The following FAM117B variants were observed in gnomAD, a reference collection of about 807,000 sequenced individuals.
The protein encoded by FAM117B is family with sequence similarity 117 member B, also known as protein FAM117B.
FAM117B carries 22 observed loss-of-function variants against 52.8 expected under a neutral mutation model. The ratio of observed to expected loss-of-function variants is 0.42; its 90% CI spans 0.30 to 0.59. The LOEUF (loss-of-function observed/expected upper bound fraction) is 0.59. Ranked by LOEUF, FAM117B falls within the 20% of genes least tolerant of loss-of-function variation. FAM117B has a pLI of 0.22. For missense variants in FAM117B, 678 were observed against 802.6 expected, an observed-to-expected ratio of 0.84 and a Z score of 1.88; for synonymous variants, 309 against 324.1, an observed-to-expected ratio of 0.95 and a Z score of 0.50.
chr2:202,678,154 G>A (rs567577616), intron 1 of FAM117B, among the ~76,000 whole-genome samples: 5 of 152,152 alleles, frequency 3.3e-5, no homozygotes, highest in South Asian at 2.1e-4. Flanking sequence ...CCTTAGTCTC[G>A]CACTGAATTG....
intron 1 of FAM117B, among the ~76,000 whole-genome samples, chr2:202,674,082 T>G (rs1690341933): frequency 6.6e-6 from 1 of 152,192 alleles, no homozygotes; most frequent in Non-Finnish European, 1.5e-5. Context: ...TACTTACTTC[T>G]TCTGTTTCAT....
At chr2:202,711,728 G>T (rs778274399) in intron 2 of FAM117B, among the ~76,000 whole-genome samples, 2 of 152,104 alleles carry the variant, frequency 1.3e-5, no homozygotes, top group South Asian at 2.1e-4. Context: ...TGTATAAGGT[G>T]AGAGATAGGG....
intron 4 of FAM117B, among the ~76,000 whole-genome samples, chr2:202,743,543 C>G (rs899627051): frequency 6.6e-6 from 1 of 151,950 alleles, no homozygotes; most frequent in African/African-American, 2.4e-5. Flanking sequence ...TAACAGATCC[C>G]AAAGAAAAGG....
At chr2:202,670,903 C>T (rs1364914584) in intron 1 of FAM117B, among the ~76,000 whole-genome samples, 1 of 152,180 alleles carries the variant, frequency 6.6e-6, no homozygotes, top group African/African-American at 2.4e-5. Context: ...ATAGTGCTAC[C>T]ATGGTGTTTG....
chr2:202,666,136 A>T (rs1242661323), intron 1 of FAM117B, among the ~76,000 whole-genome samples: 1 of 152,202 alleles, frequency 6.6e-6, no homozygotes, highest in Non-Finnish European at 1.5e-5. Flanking sequence ...TGGGAATGGT[A>T]TTGTTACAAA....
chr2:202,756,210 A>G (rs1270813428), intron 5 of FAM117B, among the ~76,000 whole-genome samples: 1 of 152,314 alleles, frequency 6.6e-6, no homozygotes. Context: ...TGAGGTCAGG[A>G]GTTCAAGACC....
intron 1 of FAM117B, among the ~76,000 whole-genome samples, chr2:202,643,520 A>G (rs751957366): frequency 1.4e-4 from 21 of 152,144 alleles, no homozygotes; most frequent in Non-Finnish European, 2.6e-4. Flanking sequence ...TCTTTATACT[A>G]TATTTTTAAA....
intron 1 of FAM117B, among the ~76,000 whole-genome samples, chr2:202,670,660 G>A (rs1285039803): frequency 3.3e-5 from 5 of 152,100 alleles, no homozygotes; most frequent in African/African-American, 9.7e-5. Flanking sequence ...TCATATTTCC[G>A]TCTGCAAGAC....
At chr2:202,684,989 A>G (rs1355182495) in intron 1 of FAM117B, among the ~76,000 whole-genome samples, 1 of 151,412 alleles carries the variant, frequency 6.6e-6, no homozygotes, top group African/African-American at 2.4e-5. Flanking sequence ...TCTCAAAAAA[A>G]ATTTTTTTTT....
chr2:202,761,481 T>A (rs980228605), intron 7 of FAM117B, among the ~76,000 whole-genome samples: 29 of 152,146 alleles, frequency 1.9e-4, no homozygotes, highest in African/African-American at 7.0e-4. Context: ...AAACATAAGA[T>A]AAACCCTAAC....
At chr2:202,723,777 G>A (rs971290391) in intron 2 of FAM117B, among the ~76,000 whole-genome samples, 1 of 152,074 alleles carries the variant, frequency 6.6e-6, no homozygotes, top group African/African-American at 2.4e-5. Context: ...ATCTGTGCAG[G>A]ATAAATTGTT....
intron 1 of FAM117B, among the ~76,000 whole-genome samples, chr2:202,663,471 T>TATA (rs1690160555): frequency 1.3e-5 from 2 of 152,214 alleles, no homozygotes; most frequent in Admixed American, 6.5e-5. Context: ...GAACATTACT[T>TATA]AATATGTTAT....
chr2:202,665,176 T>C (rs1168878106), intron 1 of FAM117B, among the ~76,000 whole-genome samples: 2 of 152,064 alleles, frequency 1.3e-5, no homozygotes, highest in East Asian at 3.9e-4. Context: ...CCCTCTCAAT[T>C]TTCTTTTTTC....
In FAM117B at chr2:202,712,683, G is replaced by A. The variant is rs1423870550; in HGVS notation, c.754-12234G>A. On this transcript the variant is annotated intron_variant, in intron 2 of 7. Coordinates refer to ENST00000392238, the MANE Select transcript of FAM117B (RefSeq NM_173511.4). ...CTATTCAATATGACACTAGCTATGG[G>A]TCTGCCATAAATGACTTGTATTATG... Among the ~76,000 whole-genome samples the A allele has an allele frequency of 2.4e-4, 37 of 151,988 alleles. 1 individual carries two copies. Among genetic ancestry groups the A allele is most frequent in the Admixed American group, 2.4e-3 (36 of 15,260 alleles).
At chr2:202,656,801 T>C (rs1316311364) in intron 1 of FAM117B, among the ~76,000 whole-genome samples, 2 of 152,154 alleles carry the variant, frequency 1.3e-5, no homozygotes, top group Admixed American at 6.5e-5. Flanking sequence ...TCTCCAAATA[T>C]AGTGGAATTT....
chr2:202,689,788 C>T (rs948048915), intron 1 of FAM117B, among the ~76,000 whole-genome samples: 94 of 151,810 alleles, frequency 6.2e-4, no homozygotes, highest in African/African-American at 2.1e-3. Context: ...TGTAGTGGTG[C>T]GTGCCTGTGG....
intron 1 of FAM117B, among the ~76,000 whole-genome samples, chr2:202,683,098 C>T (rs145638414): frequency 0.025 from 3,813 of 152,154 alleles, 180 homozygotes; most frequent in African/African-American, 0.088. Context: ...GAGGCCGAGG[C>T]GGGCAGATCA....
chr2:202,636,054 C>T (rs1337241353), intron 1 of FAM117B, among the ~76,000 whole-genome samples: 1 of 148,936 alleles, frequency 6.7e-6, no homozygotes, highest in African/African-American at 2.5e-5. Flanking sequence ...GCGGCTAAAC[C>T]TTGGGCTTGA....
rs1056124938 is a variant in FAM117B, at chr2:202,762,821, G to A, written c.1452-2625G>A. Among the ~76,000 whole-genome samples the A allele has an allele frequency of 4.6e-5, 7 of 152,058 alleles. No homozygotes were observed. In the East Asian group the frequency reaches 1.4e-3, roughly 29 times the overall value. Reference sequence around the variant, plus strand: ...AAGGAGAGTTTTTTTGGTGCTTTATGTTATATTGGTGTTAATGTTCTGTTT... The same window carrying A: ...AAGGAGAGTTTTTTTGGTGCTTTATATTATATTGGTGTTAATGTTCTGTTT... On this transcript the variant is annotated intron_variant, in intron 7 of 7. Coordinates refer to ENST00000392238, the MANE Select transcript of FAM117B (RefSeq NM_173511.4).
Sources: gnomAD v4.1 joint callset for allele counts (sites outside exome capture counted in the v4.1 genomes callset) on GRCh38, gnomAD v4.1.1 for gene constraint, MANE v1.5 for transcripts, NCBI Gene and HGNC (gene_info 2026-07-23, HGNC 2026-07-21) for gene names.